ADAMTSL1: variants seen among roughly 807,000 people sequenced by gnomAD.
ADAMTSL1 encodes ADAMTS like 1.
A neutral mutation model predicts 201.8 loss-of-function variants in ADAMTSL1; 126 were observed. The observed-to-expected ratio is 0.62, with a 90% confidence interval of 0.54 to 0.72. ADAMTSL1 has a LOEUF of 0.72. ADAMTSL1 is among the 30% of genes least tolerant of loss of function. The probability of loss-of-function intolerance (pLI) is 0.00; values close to 1 mark genes in which losing one functional copy is unlikely to be tolerated. For synonymous variants in ADAMTSL1, 1,121 were observed against 903.4 expected, an observed-to-expected ratio of 1.24 and a Z score of -4.32; for missense variants, 2,679 against 2,277.8, an observed-to-expected ratio of 1.18 and a Z score of -3.59.
chr9:18,860,749 T>C (rs1191280928), intron 23 of ADAMTSL1, among the ~76,000 whole-genome samples: 1 of 152,138 alleles, frequency 6.6e-6, no homozygotes, highest in African/African-American at 2.4e-5. Context: ...TCCTTCTCTA[T>C]ATTCTAGGGT....
At chr9:18,761,219 A>C (rs1420098946) in intron 16 of ADAMTSL1, among the ~76,000 whole-genome samples, 1 of 152,242 alleles carries the variant, frequency 6.6e-6, no homozygotes, top group Non-Finnish European at 1.5e-5. Context: ...GTTAGTAAAA[A>C]TATCAAGGAA....
At chr9:18,715,434 C>G (rs201665766) in intron 14 of ADAMTSL1, among the ~76,000 whole-genome samples, 1 of 151,714 alleles carries the variant, frequency 6.6e-6, no homozygotes, top group Non-Finnish European at 1.5e-5. Context: ...CATTCTTATA[C>G]ACCAACAACA....
chr9:18,021,577 A>C (rs947772268), intron 1 of ADAMTSL1, among the ~76,000 whole-genome samples: 3 of 152,174 alleles, frequency 2.0e-5, no homozygotes, highest in African/African-American at 7.2e-5. Context: ...TGGGACAAGC[A>C]TAAACTTTCT....
chr9:18,565,747 C>T (rs1242922598), intron 3 of ADAMTSL1, among the ~76,000 whole-genome samples: 6 of 152,128 alleles, frequency 3.9e-5, no homozygotes, highest in Non-Finnish European at 8.8e-5. Context: ...GAGTTGTCTC[C>T]ACGCAGACTG....
At chr9:18,072,419 T>A (rs998000013) in intron 1 of ADAMTSL1, among the ~76,000 whole-genome samples, 4 of 152,194 alleles carry the variant, frequency 2.6e-5, no homozygotes, top group Non-Finnish European at 5.9e-5. Context: ...CTGCATCTTG[T>A]AGAGGCTTCT....
intron 22 of ADAMTSL1, among the ~76,000 whole-genome samples, chr9:18,829,107 C>T (rs951750478): frequency 6.6e-6 from 1 of 152,158 alleles, no homozygotes; most frequent in Non-Finnish European, 1.5e-5. Flanking sequence ...CTAAGTTCAG[C>T]AGGTTCTTGG....
chr9:18,029,801 C>T (rs981206693), intron 1 of ADAMTSL1, among the ~76,000 whole-genome samples: 1 of 152,196 alleles, frequency 6.6e-6, no homozygotes, highest in Non-Finnish European at 1.5e-5. Context: ...AAAAAACGCT[C>T]TTCATCACTG....
chr9:18,392,653 C>T (rs1403851481), intron 2 of ADAMTSL1, among the ~76,000 whole-genome samples: 2 of 152,284 alleles, frequency 1.3e-5, no homozygotes, highest in East Asian at 3.9e-4. Context: ...CACAACATAA[C>T]CTCAAAAACA....
At chr9:17,917,914 T>G (rs78710685) in intron 1 of ADAMTSL1, among the ~76,000 whole-genome samples, 2,312 of 152,080 alleles carry the variant, frequency 0.015, 66 homozygotes, top group African/African-American at 0.052. Context: ...CTTTCACAAG[T>G]TCGTCAGTTT....
intron 2 of ADAMTSL1, among the ~76,000 whole-genome samples, chr9:18,419,347 A>G (rs1299891864): frequency 1.3e-5 from 2 of 152,050 alleles, no homozygotes; most frequent in Non-Finnish European, 2.9e-5. Flanking sequence ...AGATTGGTAA[A>G]TCTTAATCAG....
At chr9:18,270,904 CTGT>C in intron 2 of ADAMTSL1, among the ~76,000 whole-genome samples, 1 of 152,090 alleles carries the variant, frequency 6.6e-6, no homozygotes. Context: ...GTCTCTTTCC[CTGT>C]TGTTCTGAAG....
At chr9:18,540,240 T>G (rs976307450) in intron 3 of ADAMTSL1, among the ~76,000 whole-genome samples, 1 of 152,228 alleles carries the variant, frequency 6.6e-6, no homozygotes, top group Non-Finnish European at 1.5e-5. Flanking sequence ...CCCCTGTTCT[T>G]ATGAAGCTTA....
intron 24 of ADAMTSL1, 110 bp downstream of exon 24, chr9:18,888,153 C>A: frequency 8.7e-7 from 1 of 1,149,942 alleles, no homozygotes; most frequent in Non-Finnish European, 1.2e-6. Context: ...GTACTCAAGG[C>A]ATGAAAACCA....
chr9:18,096,534 T>A lies in ADAMTSL1; in HGVS notation c.88-67328T>A, dbSNP rs538091433. Among the ~76,000 whole-genome samples, 92 of 152,350 alleles carry A rather than the reference T, an allele frequency of 6.0e-4. 1 individual carries two copies. The highest frequency in any genetic ancestry group is 2.2e-3 in the African/African-American group (91 of 41,586). ...TGGTGGAGATTCCTGCCATATTGGATAGTGCACTTCAGATGTTTTGGTTAC... is the reference window on the plus strand; with the variant it reads ...TGGTGGAGATTCCTGCCATATTGGAAAGTGCACTTCAGATGTTTTGGTTAC... On this transcript the variant is annotated intron_variant, in intron 1 of 29. Transcript: ENST00000680146.
chr9:18,466,481 G>C (rs934149386), intron 2 of ADAMTSL1, among the ~76,000 whole-genome samples: 1 of 151,948 alleles, frequency 6.6e-6, no homozygotes, highest in South Asian at 2.1e-4. Context: ...CACAAATTCC[G>C]TGTCCTTTCT....
intron 1 of ADAMTSL1, among the ~76,000 whole-genome samples, chr9:18,108,843 G>A (rs1695600256): frequency 1.3e-5 from 2 of 151,818 alleles, no homozygotes; most frequent in Admixed American, 6.6e-5. Flanking sequence ...CAGTATTAAA[G>A]TAAAAATCAT....
Position 18,807,894 on chromosome 9 carries a change from A to G in ADAMTSL1, c.3806-9215A>G, listed in dbSNP as rs140316699. 5.8e-3 allele frequency among the ~76,000 whole-genome samples: 882 copies of G among 152,300 alleles called. 9 individuals carry two copies. The highest frequency in any genetic ancestry group is 0.02 in the African/African-American group (826 of 41,546). On this transcript the variant is annotated intron_variant, in intron 20 of 28. Transcript: ENST00000380548. ...CTTAGTTAACTTCTATGGTTAAACT[A>G]GTACTAGTTAATATCAATGTGATTG...
At chr9:18,243,435 C>A (rs1831142515) in intron 2 of ADAMTSL1, among the ~76,000 whole-genome samples, 1 of 152,080 alleles carries the variant, frequency 6.6e-6, no homozygotes, top group African/African-American at 2.4e-5. Flanking sequence ...ACCAGTGATG[C>A]CTCGAGGAAC....
At chr9:18,142,484 G>C (rs1431073489) in intron 1 of ADAMTSL1, among the ~76,000 whole-genome samples, 1 of 152,102 alleles carries the variant, frequency 6.6e-6, no homozygotes, top group Admixed American at 6.5e-5. Flanking sequence ...GATCTCCATG[G>C]AGGGCACCCC....
Sources: gnomAD v4.1 joint callset for allele counts (sites outside exome capture counted in the v4.1 genomes callset) on GRCh38, gnomAD v4.1.1 for gene constraint, MANE v1.5 for transcripts, NCBI Gene and HGNC (gene_info 2026-07-23, HGNC 2026-07-21) for gene names.